Variants in FLT1 observed in about 807,000 individuals in gnomAD.
FLT1 encodes fms related receptor tyrosine kinase 1, also known as vascular endothelial growth factor receptor 1.
In FLT1, 49 loss-of-function variants were observed where a neutral mutation model predicts 156.3. The observed-to-expected ratio is 0.31, with a 90% CI of 0.25 to 0.40. The LOEUF (loss-of-function observed/expected upper bound fraction) is 0.40. Among genes scored for constraint, FLT1 ranks in the 10% least tolerant of loss-of-function variants. FLT1 has a pLI of 1.00. For synonymous variants in FLT1, 594 were observed against 583.8 expected (o/e 1.02, Z -0.25); for missense variants, 1,322 against 1,637.2 (o/e 0.81, Z 3.32).
At chr13:28,368,581 T>C (rs897586890) in intron 14 of FLT1, 32 of 1,324,514 alleles carry the variant, frequency 2.4e-5, no homozygotes, top group Non-Finnish European at 3.2e-5. Flanking sequence ...ATGATAGCTA[T>C]GATGATGATG....
At position 28,388,461 on chromosome 13, in the gene FLT1, T is replaced by C. The variant is rs987510153; in HGVS notation, c.1969+1335A>G. ...GCTATTTTGGTCATTATAGTTTTTT[T>C]TTTTAAATAGTTTATGCAAGTCACA... is the stretch of plus-strand genomic sequence containing the variant. On this transcript the variant is annotated intron_variant, in intron 13 of 29. Transcript: ENST00000282397. 5 of 1,043,848 alleles carry C rather than the reference T, an allele frequency of 4.8e-6. No homozygotes were observed. The African/African-American group carries it at 8.3e-5, about 17-fold the overall frequency. 64.7% of individuals were successfully genotyped at this position (1,043,848 alleles called of 1,614,324 possible). A position where few individuals can be genotyped will look rare whatever the true frequency, so the allele number is the denominator to read the frequency against.
At chr13:28,457,154 T>G (rs1326158111) in intron 3 of FLT1, among the ~76,000 whole-genome samples, 1 of 149,912 alleles carries the variant, frequency 6.7e-6, no homozygotes, top group Non-Finnish European at 1.5e-5. Context: ...AGCCTGAAAC[T>G]GCTCTAGGAA....
intron 15 of FLT1, among the ~76,000 whole-genome samples, chr13:28,351,991 A>G (rs1217197139): frequency 6.6e-6 from 1 of 152,230 alleles, no homozygotes; most frequent in Non-Finnish European, 1.5e-5. Context: ...TAGCATGCCC[A>G]TTTTACAATG....
chr13:28,387,233 G>A (rs1020887666), intron 13 of FLT1: 1 of 1,038,606 alleles, frequency 9.6e-7, no homozygotes, highest in Non-Finnish European at 1.2e-6. Context: ...GAAATATACA[G>A]TAATATGCAT....
chr13:28,487,675 G>A (rs147924128), intron 1 of FLT1, among the ~76,000 whole-genome samples: 35 of 152,202 alleles, frequency 2.3e-4, no homozygotes, highest in Middle Eastern at 6.8e-3. Flanking sequence ...GATCGGCAGC[G>A]GCACAATGCA....
rs3794398 is a variant in FLT1 at position 28,318,601 on chromosome 13, C to T, written c.3286+822G>A. Among the ~76,000 whole-genome samples, 380 of 152,302 alleles carry T rather than the reference C, an allele frequency of 2.5e-3. 3 individuals are homozygous for T. The highest frequency in any genetic ancestry group is 0.016 in the East Asian group (82 of 5,178). On this transcript the variant is annotated intron_variant, in intron 24 of 29. Coordinates refer to ENST00000282397, the MANE Select transcript of FLT1 (RefSeq NM_002019.4). The stretch of plus-strand genomic sequence containing the variant: ...CGTGTCATCGCAGGACCACTGCAGC[C>T]GCCAAGCTGCTTTCAAAGACTGGAA...
chr13:28,482,396 C>G (rs367604270), intron 1 of FLT1, among the ~76,000 whole-genome samples: 1 of 151,730 alleles, frequency 6.6e-6, no homozygotes, highest in Non-Finnish European at 1.5e-5. Flanking sequence ...CGAGATCACT[C>G]CAGCCTGGAC....
At chr13:28,324,759 A>G (rs1340885213) in intron 20 of FLT1, among the ~76,000 whole-genome samples, 3 of 152,162 alleles carry the variant, frequency 2.0e-5, no homozygotes, top group Non-Finnish European at 4.4e-5. Flanking sequence ...TCTGCATGTG[A>G]AAACTCTCCC....
At chr13:28,397,642 C>A (rs1029403735) in intron 11 of FLT1, among the ~76,000 whole-genome samples, 11 of 151,866 alleles carry the variant, frequency 7.2e-5, no homozygotes, top group African/African-American at 2.7e-4. Context: ...CCGCTTTTGT[C>A]TCCCAAGTAG....
chr13:28,388,408 T>C (rs1394423163), intron 13 of FLT1: 2 of 1,055,678 alleles, frequency 1.9e-6, no homozygotes, highest in Non-Finnish European at 2.3e-6. Context: ...CCTATTGAAC[T>C]GCCCAGCCAC....
chr13:28,387,637 T>A, intron 13 of FLT1: 1 of 1,065,100 alleles, frequency 9.4e-7, no homozygotes, highest in Non-Finnish European at 1.1e-6. Flanking sequence ...GAATGGGGAC[T>A]GAGGAACCAG....
chr13:28,412,331 TTTC>T lies in FLT1; in HGVS notation c.1437-6440_1437-6438del, dbSNP rs1293405643. 6.4e-4 allele frequency among the ~76,000 whole-genome samples: 33 copies of T among 51,492 alleles called. 1 individual carries two copies. Among genetic ancestry groups the T allele is most frequent in the African/African-American group, 2.2e-3 (29 of 13,378 alleles). The allele number at this position is 51,492 out of a possible 152,430, so 33.8% of individuals were successfully genotyped here. A position where few individuals can be genotyped will look rare whatever the true frequency, so the allele number is the denominator to read the frequency against. ...TCTCTTTCTTTCTTTCTTTCTTTCT[TTTC>T]TTTCTTTCTTTCTTTCTCTTTCTTT... On this transcript the variant is annotated intron_variant, in intron 10 of 29. Coordinates refer to ENST00000282397, the MANE Select transcript of FLT1 (RefSeq NM_002019.4).
intron 1 of FLT1, among the ~76,000 whole-genome samples, chr13:28,479,019 T>C (rs533344201): frequency 1.1e-4 from 17 of 152,354 alleles, no homozygotes; most frequent in African/African-American, 3.8e-4. Context: ...CAGCTTACTT[T>C]GATACAGTTT....
intron 15 of FLT1, among the ~76,000 whole-genome samples, chr13:28,346,507 C>T (rs1872570979): frequency 6.6e-6 from 1 of 151,610 alleles, no homozygotes; most frequent in African/African-American, 2.4e-5. Context: ...ATTGCTGGAG[C>T]CCCGGAGTTT....
intron 4 of FLT1, among the ~76,000 whole-genome samples, chr13:28,435,614 G>A (rs931817499): frequency 1.3e-5 from 2 of 152,120 alleles, no homozygotes; most frequent in African/African-American, 4.8e-5. Flanking sequence ...GGCATCCCTC[G>A]CTCTATCCAG....
At chr13:28,340,210 GTCTT>G in intron 16 of FLT1, among the ~76,000 whole-genome samples, 1 of 144,980 alleles carries the variant, frequency 6.9e-6, no homozygotes, top group Non-Finnish European at 1.5e-5. Context: ...GCGAGACTCT[GTCTT>G]AAAAAAAAAA....
chr13:28,395,253 T>C (rs1874978047), intron 12 of FLT1, among the ~76,000 whole-genome samples: 1 of 152,216 alleles, frequency 6.6e-6, no homozygotes, highest in Non-Finnish European at 1.5e-5. Context: ...GGGCCTCCAC[T>C]GGTACTCTTG....
chr13:28,352,948 A>C (rs1236676294), intron 15 of FLT1, among the ~76,000 whole-genome samples: 1 of 152,206 alleles, frequency 6.6e-6, no homozygotes, highest in Admixed American at 6.5e-5. Context: ...GAAAGCAGTG[A>C]CTGAAGACCC....
At position 28,390,119 on chromosome 13, in the gene FLT1, TA is replaced by T; in HGVS notation, c.1661-16del. On this transcript the variant is annotated splice_polypyrimidine_tract_variant and intron_variant, in intron 12 of 29. Coordinates refer to ENST00000282397, the MANE Select transcript of FLT1 (RefSeq NM_002019.4). Reference sequence around the variant, plus strand: ...ATTTGGCACATCTATAAAATAAGAATAAAGAACTTCAGTTCACAGAAAAATC... The same window carrying T: ...ATTTGGCACATCTATAAAATAAGAATAAGAACTTCAGTTCACAGAAAAATC... 1 of 1,609,948 alleles carries T rather than the reference TA, an allele frequency of 6.2e-7. No individual in the cohort carries two copies.
Sources: gnomAD v4.1 joint callset for allele counts (sites outside exome capture counted in the v4.1 genomes callset) on GRCh38, gnomAD v4.1.1 for gene constraint, MANE v1.5 for transcripts, NCBI Gene and HGNC (gene_info 2026-07-23, HGNC 2026-07-21) for gene names.